The following GTF3C1 variants were observed in gnomAD, a reference collection of about 807,000 sequenced individuals.
GTF3C1 encodes general transcription factor 3C polypeptide 1.
In GTF3C1, 57 loss-of-function variants were observed where a neutral mutation model predicts 226.7. The ratio of observed to expected loss-of-function variants is 0.25; its 90% CI spans 0.20 to 0.31. The LOEUF (loss-of-function observed/expected upper bound fraction) is 0.31. GTF3C1 is among the 10% of genes least tolerant of loss of function. The pLI is 1.00. For synonymous variants in GTF3C1, 1,090 were observed against 1,084.8 expected, an observed-to-expected ratio of 1.00 and a Z score of -0.09; for missense variants, 2,217 against 2,776.1, an observed-to-expected ratio of 0.80 and a Z score of 4.53.
At chr16:27,546,782 T>C (rs960376766) in intron 1 of GTF3C1, among the ~76,000 whole-genome samples, 2 of 152,064 alleles carry the variant, frequency 1.3e-5, no homozygotes. Context: ...TCCTTTTTTT[T>C]AAGACTTGAG....
chr16:27,489,463 G>A (rs2088198566), intron 20 of GTF3C1, 139 bp downstream of exon 20: 3 of 660,726 alleles, frequency 4.5e-6, no homozygotes, highest in Non-Finnish European at 7.7e-6. Context: ...TATGTCTGGA[G>A]CCAGCCATCT....
chr16:27,496,509 T>G (rs576156829), intron 14 of GTF3C1, among the ~76,000 whole-genome samples: 42 of 152,136 alleles, frequency 2.8e-4, no homozygotes, highest in Non-Finnish European at 2.2e-4. Flanking sequence ...ACCTCCCTGG[T>G]TCAAGCAATT....
intron 2 of GTF3C1, among the ~76,000 whole-genome samples, chr16:27,544,797 G>T (rs1441549804): frequency 6.6e-6 from 1 of 152,120 alleles, no homozygotes; most frequent in Admixed American, 6.5e-5. Flanking sequence ...CAAGGACTGT[G>T]AGCACAAAGG....
chr16:27,529,967 C>G (rs914369895), intron 5 of GTF3C1, among the ~76,000 whole-genome samples: 3 of 152,180 alleles, frequency 2.0e-5, no homozygotes, highest in African/African-American at 7.2e-5. Context: ...ATACATGGCC[C>G]ATTTTGCTTG....
chr16:27,494,413 C>CA (rs71137798), intron 16 of GTF3C1, among the ~76,000 whole-genome samples: 5,258 of 115,352 alleles, frequency 0.046, 116 homozygotes, highest in African/African-American at 0.069. Context: ...AAAAAAAAAA[C>CA]AAAAAAAAAA....
chr16:27,516,731 C>G (rs750766019), intron 6 of GTF3C1, among the ~76,000 whole-genome samples: 1 of 152,334 alleles, frequency 6.6e-6, no homozygotes, highest in African/African-American at 2.4e-5. Flanking sequence ...AACTCCAGGG[C>G]TCACACGGTC....
intron 7 of GTF3C1, among the ~76,000 whole-genome samples, chr16:27,510,413 C>T (rs777256337): frequency 4.6e-5 from 7 of 151,402 alleles, no homozygotes; most frequent in Non-Finnish European, 1.0e-4. Flanking sequence ...CAAAATTAGC[C>T]GGGCACAGTG....
rs2089147475 is a variant in GTF3C1, at chr16:27,545,338, C to A, written c.407G>T (p.Cys136Phe). Residue 136 changes from cysteine to phenylalanine, a missense_variant, in exon 2 of 37, where the codon TGT becomes TTT. Coordinates refer to ENST00000356183, the MANE Select transcript of GTF3C1 (RefSeq NM_001520.4). ...DIRTKSLQPRCTMVEAFDRWG... is the reference protein window; with the variant it reads ...DIRTKSLQPRFTMVEAFDRWG... ...CCTGTCAAAGGCTTCCACCATTGTACAGCGAGGCTGCAAGGACTTGGTTCT... is the reference window on the plus strand; with the variant it reads ...CCTGTCAAAGGCTTCCACCATTGTAAAGCGAGGCTGCAAGGACTTGGTTCT... 1.9e-6 allele frequency: 3 copies of A among 1,613,358 alleles called. No individual in the cohort carries two copies. The highest frequency in any genetic ancestry group is 2.5e-6 in the Non-Finnish European group (3 of 1,179,382).
chr16:27,520,822 G>A (rs1046767626), intron 6 of GTF3C1, among the ~76,000 whole-genome samples: 5 of 151,950 alleles, frequency 3.3e-5, no homozygotes, highest in South Asian at 2.1e-4. Flanking sequence ...CAGTTCAAGC[G>A]ATTCTCCTGC....
intron 16 of GTF3C1, among the ~76,000 whole-genome samples, chr16:27,494,187 G>C (rs2088276273): frequency 6.6e-6 from 1 of 152,054 alleles, no homozygotes; most frequent in Non-Finnish European, 1.5e-5. Context: ...GGATCACAAG[G>C]TCAGAAGATT....
At chr16:27,537,077 C>T (rs1301448463) in intron 4 of GTF3C1, among the ~76,000 whole-genome samples, 1 of 152,240 alleles carries the variant, frequency 6.6e-6, no homozygotes, top group Non-Finnish European at 1.5e-5. Flanking sequence ...AGCAATATCA[C>T]ACATTGTTAT....
At chr16:27,491,835 C>T (rs1360664390) in intron 19 of GTF3C1, among the ~76,000 whole-genome samples, 2 of 152,222 alleles carry the variant, frequency 1.3e-5, no homozygotes, top group South Asian at 2.1e-4. Flanking sequence ...CCCTCCCCAG[C>T]TCTGGCCCTG....
At chr16:27,525,312 C>T (rs570505595) in intron 6 of GTF3C1, among the ~76,000 whole-genome samples, 2 of 152,042 alleles carry the variant, frequency 1.3e-5, no homozygotes, top group East Asian at 3.9e-4. Flanking sequence ...TTCTATTTTC[C>T]TCTCTACTTA....
chr16:27,537,962 C>CAAA, intron 3 of GTF3C1, 35 bp from the exon 4 acceptor site: 2 of 1,606,506 alleles, frequency 1.2e-6, no homozygotes, highest in Non-Finnish European at 1.7e-6. Context: ...ATTTGCTTTG[C>CAAA]TGGTAGTTTT....
chr16:27,506,226 T>C (rs2088482774), intron 9 of GTF3C1, 110 bp from the exon 10 acceptor site: 6 of 634,538 alleles, frequency 9.5e-6, no homozygotes, highest in Admixed American at 2.8e-5. Context: ...TGAGAGTCAG[T>C]TGAAAGGTGA....
At chr16:27,512,636 T>C (rs953720223) in intron 6 of GTF3C1, among the ~76,000 whole-genome samples, 5 of 152,226 alleles carry the variant, frequency 3.3e-5, no homozygotes, top group African/African-American at 1.2e-4. Context: ...CACTGTGTGA[T>C]GCATCTATAT....
intron 5 of GTF3C1, among the ~76,000 whole-genome samples, chr16:27,532,756 G>A (rs548305150): frequency 1.3e-5 from 2 of 152,282 alleles, no homozygotes; most frequent in Non-Finnish European, 2.9e-5. Flanking sequence ...TCTGAACTTT[G>A]ATAATAGGTC....
chr16:27,525,838 A>T (rs1410053936), intron 6 of GTF3C1, among the ~76,000 whole-genome samples: 1 of 152,240 alleles, frequency 6.6e-6, no homozygotes, highest in African/African-American at 2.4e-5. Flanking sequence ...CTTGGAATTA[A>T]TAACTGCACT....
At chr16:27,490,653 CAT>C (rs1344813549) in intron 19 of GTF3C1, among the ~76,000 whole-genome samples, 3 of 152,214 alleles carry the variant, frequency 2.0e-5, no homozygotes, top group Non-Finnish European at 4.4e-5. Context: ...AAGCTTCTCT[CAT>C]ATAAATAACA....
Sources: allele counts gnomAD v4.1 joint callset (sites outside exome capture counted in the v4.1 genomes callset), GRCh38; gene constraint gnomAD v4.1.1; transcripts MANE v1.5; gene names NCBI Gene and HGNC (gene_info 2026-07-23, HGNC 2026-07-21).